ASXL3: variants seen among roughly 807,000 people sequenced by gnomAD.
ASXL3 encodes ASXL transcriptional regulator 3.
ASXL3 carries 34 observed loss-of-function variants against 170.6 expected under a neutral mutation model. The observed-to-expected ratio is 0.20, with a 90% CI of 0.15 to 0.27. ASXL3 has a LOEUF of 0.27. ASXL3 is among the 10% of genes least tolerant of loss of function. ASXL3 has a pLI of 1.00. For missense variants in ASXL3, 2,592 were observed against 2,695.3 expected, an observed-to-expected ratio of 0.96 and a Z score of 0.85; for synonymous variants, 1,002 against 989.1, an observed-to-expected ratio of 1.01 and a Z score of -0.24.
intron 2 of ASXL3, among the ~76,000 whole-genome samples, chr18:33,619,092 A>G (rs759771450): frequency 1.4e-4 from 21 of 152,176 alleles, no homozygotes; most frequent in Non-Finnish European, 8.8e-5. Flanking sequence ...AGATGGGTAG[A>G]TACTATGTTC....
At chr18:33,672,063 A>T (rs2145257156) in intron 7 of ASXL3, among the ~76,000 whole-genome samples, 197 bp downstream of exon 7, 1 of 152,336 alleles carries the variant, frequency 6.6e-6, no homozygotes, top group African/African-American at 2.4e-5. Flanking sequence ...CTATTACTAA[A>T]TTTGTGAATG....
At chr18:33,602,240 A>T (rs2065191326) in intron 1 of ASXL3, among the ~76,000 whole-genome samples, 1 of 152,196 alleles carries the variant, frequency 6.6e-6, no homozygotes, top group South Asian at 2.1e-4. Flanking sequence ...CATTCTATGG[A>T]AAAATTGTCT....
At chr18:33,605,956 A>G (rs759891841) in intron 1 of ASXL3, among the ~76,000 whole-genome samples, 2 of 151,902 alleles carry the variant, frequency 1.3e-5, no homozygotes, top group Admixed American at 6.6e-5. Flanking sequence ...TGCCCACACT[A>G]TATATAGTCC....
chr18:33,696,316 A>G (rs2066772547), intron 8 of ASXL3, among the ~76,000 whole-genome samples: 1 of 152,176 alleles, frequency 6.6e-6, no homozygotes, highest in Non-Finnish European at 1.5e-5. Flanking sequence ...CAGGAAATCA[A>G]CAGTGTAATG....
At chr18:33,665,186 A>G (rs2066237537) in intron 5 of ASXL3, among the ~76,000 whole-genome samples, 1 of 152,200 alleles carries the variant, frequency 6.6e-6, no homozygotes, top group East Asian at 1.9e-4. Flanking sequence ...ACAGCAAGTG[A>G]CATGGTAGTG....
At chr18:33,603,411 C>A (rs2065205800) in intron 1 of ASXL3, among the ~76,000 whole-genome samples, 1 of 151,906 alleles carries the variant, frequency 6.6e-6, no homozygotes, top group South Asian at 2.1e-4. Flanking sequence ...TATTACAGGT[C>A]CTTTTTTGCA....
chr18:33,738,179 ATTTTCTAATACTTTGTT>A, intron 10 of ASXL3, among the ~76,000 whole-genome samples: 1 of 151,912 alleles, frequency 6.6e-6, no homozygotes, highest in Middle Eastern at 3.4e-3. Flanking sequence ...GATTATAAAT[ATTTTCTAATACTTTGTT>A]GTATGTAATT....
intron 7 of ASXL3, among the ~76,000 whole-genome samples, chr18:33,677,736 C>G (rs186640476): frequency 4.9e-4 from 75 of 152,280 alleles, no homozygotes; most frequent in African/African-American, 1.5e-3. Context: ...TTTTAATGGA[C>G]TCAGTGCTCC....
At chr18:33,672,125 A>G (rs988036356) in intron 7 of ASXL3, among the ~76,000 whole-genome samples, 1 of 152,186 alleles carries the variant, frequency 6.6e-6, no homozygotes, top group South Asian at 2.1e-4. Context: ...TGATACATGT[A>G]AAATAATTAT....
intron 2 of ASXL3, among the ~76,000 whole-genome samples, chr18:33,613,196 A>G (rs1001352964): frequency 2.0e-5 from 3 of 152,070 alleles, no homozygotes; most frequent in Admixed American, 1.3e-4. Context: ...CCCTTCTCCT[A>G]TATCATCATG....
chr18:33,613,100 G>A (rs1238251005), intron 2 of ASXL3, among the ~76,000 whole-genome samples: 6 of 152,060 alleles, frequency 3.9e-5, no homozygotes, highest in African/African-American at 7.2e-5. Context: ...AGCAAGCTTC[G>A]AGAATAATCT....
intron 1 of ASXL3, among the ~76,000 whole-genome samples, chr18:33,591,889 C>T (rs1240324644): frequency 6.6e-6 from 1 of 152,068 alleles, no homozygotes; most frequent in East Asian, 1.9e-4. Context: ...GATCCGCCTG[C>T]CTCAGCCTCC....
chr18:33,744,643 A>C lies in ASXL3; in HGVS notation c.4795A>C (p.Asn1599His), dbSNP rs748422860. 7 of 1,606,620 alleles carry C rather than the reference A, an allele frequency of 4.4e-6. No individual in the cohort carries two copies. The highest frequency in any genetic ancestry group is 1.3e-5 in the African/African-American group (1 of 74,942). ...AAGTGAAGCAGACACAACCTGTAGC[A>C]ATCAGTATAACCCAAGTAACCGGAT... is the stretch of plus-strand genomic sequence containing the variant. ...FKSEADTTCS[N>H]QYNPSNRICW... Residue 1599 changes from asparagine (N) to histidine (H), a missense_variant, in exon 12 of 12, where the codon AAT becomes CAT. Transcript: ENST00000269197.
chr18:33,591,447 A>G (rs924359302), intron 1 of ASXL3, among the ~76,000 whole-genome samples: 2 of 152,222 alleles, frequency 1.3e-5, no homozygotes, highest in African/African-American at 4.8e-5. Context: ...GCTATTGAAT[A>G]TAAACAAAAA....
intron 8 of ASXL3, among the ~76,000 whole-genome samples, chr18:33,695,181 T>G (rs2066752777): frequency 6.6e-6 from 1 of 152,284 alleles, no homozygotes; most frequent in African/African-American, 2.4e-5. Context: ...ATTATAAAAT[T>G]CAAAAGTATT....
intron 8 of ASXL3, among the ~76,000 whole-genome samples, chr18:33,691,621 T>C (rs1482577108): frequency 6.6e-6 from 1 of 152,190 alleles, no homozygotes; most frequent in African/African-American, 2.4e-5. Context: ...GTTCCTATCC[T>C]GAAAGAGAGA....
At chr18:33,602,431 T>A (rs2065194043) in intron 1 of ASXL3, among the ~76,000 whole-genome samples, 1 of 152,092 alleles carries the variant, frequency 6.6e-6, no homozygotes, top group Non-Finnish European at 1.5e-5. Flanking sequence ...ATACTGGGTA[T>A]TTGCTGAGGT....
At chr18:33,597,472 G>A (rs531844058) in intron 1 of ASXL3, among the ~76,000 whole-genome samples, 5 of 151,882 alleles carry the variant, frequency 3.3e-5, no homozygotes, top group African/African-American at 9.7e-5. Context: ...CTTAGACTAC[G>A]TCTCATTATT....
rs537459142 is a variant in ASXL3, at chr18:33,643,967, T to G, written c.138-927T>G. Among the ~76,000 whole-genome samples, 18 of 151,986 alleles carry G rather than the reference T, an allele frequency of 1.2e-4. No individual in the cohort carries two copies. In the South Asian group the frequency reaches 3.5e-3, roughly 30 times the overall value. On this transcript the variant is annotated intron_variant, in intron 2 of 11. Transcript: ENST00000269197. ...AGGAAGTAAAATGTATATGGATGTATAATTTTAAAAGGCAATAATTGTAGC... is the reference window on the plus strand; with the variant it reads ...AGGAAGTAAAATGTATATGGATGTAGAATTTTAAAAGGCAATAATTGTAGC...
Sources: allele counts gnomAD v4.1 joint callset (sites outside exome capture counted in the v4.1 genomes callset), GRCh38; gene constraint gnomAD v4.1.1; transcripts MANE v1.5; gene names NCBI Gene and HGNC (gene_info 2026-07-23, HGNC 2026-07-21).